ERC2: variants seen among roughly 807,000 people sequenced by gnomAD.
ERC2 encodes the protein ERC protein 2.
Under a neutral mutation model 114.8 loss-of-function variants are expected in ERC2, and 42 were observed. The ratio of observed to expected loss-of-function variants is 0.37; its 90% CI spans 0.29 to 0.47. The LOEUF (loss-of-function observed/expected upper bound fraction) is 0.47, where lower values mean the gene tolerates loss of function less well. ERC2 is among the 20% of genes least tolerant of loss of function. The pLI, the probability that ERC2 is intolerant of heterozygous loss-of-function variation, is 0.99. For synonymous variants in ERC2, 454 were observed against 425.5 expected, an observed-to-expected ratio of 1.07 and a Z score of -0.82; for missense variants, 939 against 1,150.7, an observed-to-expected ratio of 0.82 and a Z score of 2.66.
chr3:56,026,057 C>CTTTTTTTTTTTTTTTTTTTTTTT (rs59635680), intron 7 of ERC2, among the ~76,000 whole-genome samples: 3 of 69,210 alleles, frequency 4.3e-5, no homozygotes, highest in African/African-American at 1.1e-4. Flanking sequence ...CCGTTTCTTT[C>CTTTTTTTTTTTTTTTTTTTTTTT]TTTTTTTTTT....
At chr3:56,374,710 C>T (rs2059476758) in intron 2 of ERC2, among the ~76,000 whole-genome samples, 2 of 152,104 alleles carry the variant, frequency 1.3e-5, no homozygotes, top group South Asian at 2.1e-4. Flanking sequence ...CCTCAAAGCG[C>T]TTCTGTGGGA....
At chr3:55,627,294 C>G (rs2059556189) in intron 17 of ERC2, among the ~76,000 whole-genome samples, 1 of 151,944 alleles carries the variant, frequency 6.6e-6, no homozygotes, top group African/African-American at 2.4e-5. Context: ...ATGGTGAAAC[C>G]CCATCTCTAC....
chr3:56,044,274 C>T (rs2075348190), intron 7 of ERC2, among the ~76,000 whole-genome samples: 1 of 152,072 alleles, frequency 6.6e-6, no homozygotes, highest in African/African-American at 2.4e-5. Flanking sequence ...AGCTATAAAA[C>T]TGTGCTATTT....
chr3:56,408,256 T>G (rs2060803413), intron 2 of ERC2, among the ~76,000 whole-genome samples: 1 of 152,170 alleles, frequency 6.6e-6, no homozygotes, highest in African/African-American at 2.4e-5. Flanking sequence ...TCTCAGCACT[T>G]TACAAAGTAA....
At chr3:55,518,819 T>G (rs1221763553) in intron 17 of ERC2, among the ~76,000 whole-genome samples, 2 of 152,244 alleles carry the variant, frequency 1.3e-5, no homozygotes, top group Non-Finnish European at 2.9e-5. Context: ...AGTTTGAAAT[T>G]GGAATCTTTT....
intron 3 of ERC2, among the ~76,000 whole-genome samples, chr3:56,197,597 C>T (rs1483702472): frequency 1.3e-5 from 2 of 152,120 alleles, no homozygotes; most frequent in African/African-American, 4.8e-5. Context: ...TTAATAGAAA[C>T]TAAAGTTTCA....
chr3:55,660,076 T>G (rs1375444163), intron 17 of ERC2, among the ~76,000 whole-genome samples: 1 of 151,434 alleles, frequency 6.6e-6, no homozygotes, highest in Non-Finnish European at 1.5e-5. Context: ...CATTAGCTTC[T>G]CATGCAAACC....
intron 17 of ERC2, among the ~76,000 whole-genome samples, chr3:55,594,933 C>A (rs911702367): frequency 6.6e-6 from 1 of 152,126 alleles, no homozygotes; most frequent in Non-Finnish European, 1.5e-5. Flanking sequence ...TACCCTCCCC[C>A]CACCATAATC....
intron 17 of ERC2, among the ~76,000 whole-genome samples, chr3:55,605,269 C>G (rs925640580): frequency 6.6e-6 from 1 of 152,080 alleles, no homozygotes; most frequent in African/African-American, 2.4e-5. Flanking sequence ...GCATGCACCA[C>G]CATGCCTAGC....
chr3:55,956,415 C>G (rs554077776), intron 12 of ERC2, among the ~76,000 whole-genome samples: 10 of 150,766 alleles, frequency 6.6e-5, no homozygotes, highest in Non-Finnish European at 1.3e-4. Context: ...ATAATAGAAG[C>G]TTTTACTTGT....
intron 14 of ERC2, among the ~76,000 whole-genome samples, chr3:55,798,292 T>C (rs1341675747): frequency 6.6e-6 from 1 of 152,042 alleles, no homozygotes; most frequent in African/African-American, 2.4e-5. Flanking sequence ...AAAAAGATCT[T>C]AGAAATAATC....
At chr3:55,549,330 T>C (rs189199771) in intron 17 of ERC2, among the ~76,000 whole-genome samples, 24 of 152,282 alleles carry the variant, frequency 1.6e-4, no homozygotes, top group Non-Finnish European at 4.4e-5. Context: ...GTCCTGGTTA[T>C]TCTTATTATC....
intron 10 of ERC2, among the ~76,000 whole-genome samples, chr3:55,997,940 T>G (rs1231165243): frequency 7.1e-6 from 1 of 140,314 alleles, no homozygotes; most frequent in African/African-American, 2.6e-5. Flanking sequence ...TTTTTTTTTT[T>G]TTTTTGGTAG....
chr3:56,256,785 G>C lies in ERC2; in HGVS notation c.1074+39234C>G, dbSNP rs934953133. Among the ~76,000 whole-genome samples the C allele has an allele frequency of 3.9e-5, 6 of 152,104 alleles. No individual in the cohort carries two copies. The South Asian group carries it at 1.0e-3, about 26-fold the overall frequency. On this transcript the variant is annotated intron_variant, in intron 3 of 17. Transcript: ENST00000288221. ...CTCATGAGATCTGATGGTTTTATAA[G>C]TGTTTGGAGGTTCCTCCTTCACTTT...
intron 1 of ERC2, among the ~76,000 whole-genome samples, chr3:56,467,730 T>TA (rs1166637227): frequency 2.1e-4 from 31 of 151,052 alleles, no homozygotes; most frequent in Non-Finnish European, 3.1e-4. Flanking sequence ...ACGGGTTTTT[T>TA]AAAAAAAAAT....
intron 1 of ERC2, among the ~76,000 whole-genome samples, chr3:56,459,527 CCACACACACA>C (rs58270143): frequency 2.0e-5 from 3 of 150,726 alleles, no homozygotes; most frequent in African/African-American, 7.3e-5. Context: ...TGCTATCAGA[CCACACACACA>C]CACACACACA....
chr3:55,577,999 C>T (rs972177615), intron 17 of ERC2, among the ~76,000 whole-genome samples: 6 of 152,178 alleles, frequency 3.9e-5, no homozygotes, highest in Middle Eastern at 3.2e-3. Context: ...CTGCAGGGAG[C>T]TCACCAATAC....
At chr3:55,709,825 T>A (rs892736294) in intron 15 of ERC2, among the ~76,000 whole-genome samples, 1 of 151,956 alleles carries the variant, frequency 6.6e-6, no homozygotes, top group Admixed American at 6.5e-5. Flanking sequence ...CCAGGAGGTG[T>A]GGAGACAGCC....
At chr3:55,985,892 C>T (rs1056352841) in intron 12 of ERC2, 85 bp downstream of exon 12, 3 of 1,248,138 alleles carry the variant, frequency 2.4e-6, no homozygotes, top group Non-Finnish European at 3.4e-6. Context: ...AAAACCATTT[C>T]AGAAATGTGT....
Sources: allele counts gnomAD v4.1 joint callset (sites outside exome capture counted in the v4.1 genomes callset), GRCh38; gene constraint gnomAD v4.1.1; transcripts MANE v1.5; gene names NCBI Gene and HGNC (gene_info 2026-07-23, HGNC 2026-07-21).